The following CPA6 variants were observed in gnomAD, a reference collection of about 807,000 sequenced individuals.
CPA6 encodes the protein carboxypeptidase A6, also known as carboxypeptidase B.
Under a neutral mutation model 63.3 loss-of-function variants are expected in CPA6, and 58 were observed. The observed-to-expected ratio is 0.92, with a 90% CI of 0.74 to 1.14. The LOEUF is 1.14. CPA6 is among the 50% of genes most tolerant of loss of function. The pLI is 0.00. For synonymous variants in CPA6, 185 were observed against 179.0 expected, an observed-to-expected ratio of 1.03 and a Z score of -0.27; for missense variants, 565 against 526.6, an observed-to-expected ratio of 1.07 and a Z score of -0.71.
At chr8:67,721,760 C>T (rs1208895851) in intron 1 of CPA6, among the ~76,000 whole-genome samples, 3 of 152,210 alleles carry the variant, frequency 2.0e-5, no homozygotes, top group Non-Finnish European at 4.4e-5. Context: ...GCCTGCTGTA[C>T]AGGCAGGCTT....
At chr8:67,573,615 G>A (rs559592791) in intron 2 of CPA6, among the ~76,000 whole-genome samples, 12 of 151,960 alleles carry the variant, frequency 7.9e-5, no homozygotes, top group Admixed American at 3.9e-4. Context: ...GAAAGAGGCC[G>A]GGCACGGTGG....
At chr8:67,724,925 A>T (rs1193057011) in intron 1 of CPA6, among the ~76,000 whole-genome samples, 2 of 152,202 alleles carry the variant, frequency 1.3e-5, no homozygotes, top group Admixed American at 1.3e-4. Flanking sequence ...ATTTTTGGTT[A>T]TCAGTTCCTT....
chr8:67,640,902 A>G (rs750130804), intron 1 of CPA6, among the ~76,000 whole-genome samples: 2 of 151,634 alleles, frequency 1.3e-5, no homozygotes, highest in Non-Finnish European at 2.9e-5. Flanking sequence ...TGCCTTCAGC[A>G]GGGTGCTCAT....
intron 2 of CPA6, among the ~76,000 whole-genome samples, chr8:67,575,191 C>T (rs749187880): frequency 7.9e-5 from 12 of 152,226 alleles, no homozygotes; most frequent in Non-Finnish European, 1.5e-4. Context: ...TGAGATATCA[C>T]CTCATACCTG....
rs180818633 is a variant in CPA6 at position 67,689,651 on chromosome 8, A to G, written c.116+56363T>C. On this transcript the variant is annotated intron_variant, in intron 1 of 10. Coordinates refer to ENST00000297770, the MANE Select transcript of CPA6 (RefSeq NM_020361.5). ...TAGTATTCCATGGTATATATGTACC[A>G]CATTTTCTTTATCCAATCCACTGTT... Among the ~76,000 whole-genome samples, 181 of 152,356 alleles carry G rather than the reference A, an allele frequency of 1.2e-3. 2 individuals are homozygous for G. Among genetic ancestry groups the G allele is most frequent in the South Asian group, 8.3e-3 (40 of 4,830 alleles).
chr8:67,525,269 G>T lies in CPA6; in HGVS notation c.193-7222C>A, dbSNP rs113072454. ...CATAGTCCCAATAATTCCAACAAAA[G>T]ACCCTGGAAATTTAGGCAAACTAAA... On this transcript the variant is annotated intron_variant, in intron 2 of 10. Transcript: ENST00000297770. Among the ~76,000 whole-genome samples, 1,279 of 152,108 alleles carry T rather than the reference G, an allele frequency of 8.4e-3. 19 individuals are homozygous for T. The highest frequency in any genetic ancestry group is 0.03 in the African/African-American group (1,227 of 41,504).
In CPA6 at chr8:67,677,012, A is replaced by C. The variant is rs117111609; in HGVS notation, c.117-52761T>G. On this transcript the variant is annotated intron_variant, in intron 1 of 10. Transcript: ENST00000297770. ...GCCATGTGTGTCTGTGTGTGTATGC[A>C]TGCTAGCAGGACTACTGCCCCGAAC... Among the ~76,000 whole-genome samples, 209 of 152,276 alleles carry C rather than the reference A, an allele frequency of 1.4e-3. 4 individuals are homozygous for C. In the East Asian group the frequency reaches 0.033, roughly 24 times the overall value.
chr8:67,475,742 T>C (rs1289063168), intron 8 of CPA6, among the ~76,000 whole-genome samples: 1 of 151,540 alleles, frequency 6.6e-6, no homozygotes, highest in African/African-American at 2.4e-5. Flanking sequence ...TTTCTTTCTT[T>C]CCTTCTTTCT....
chr8:67,672,765 G>T (rs550601495), intron 1 of CPA6, among the ~76,000 whole-genome samples: 14 of 152,264 alleles, frequency 9.2e-5, no homozygotes, highest in African/African-American at 3.4e-4. Context: ...TTTATTCTAA[G>T]TCCCACAAAA....
chr8:67,588,279 T>C (rs1814001669), intron 2 of CPA6, among the ~76,000 whole-genome samples: 1 of 152,170 alleles, frequency 6.6e-6, no homozygotes, highest in Admixed American at 6.5e-5. Context: ...TGAATGGAAG[T>C]CAGTCGGTTA....
At chr8:67,504,896 G>A (rs1811897185) in intron 6 of CPA6, among the ~76,000 whole-genome samples, 3 of 152,136 alleles carry the variant, frequency 2.0e-5, no homozygotes, top group Non-Finnish European at 4.4e-5. Flanking sequence ...GTGCAGGAGG[G>A]AGGAGGATGG....
intron 8 of CPA6, among the ~76,000 whole-genome samples, chr8:67,440,529 C>T (rs185510480): frequency 3.9e-5 from 6 of 152,058 alleles, no homozygotes; most frequent in Non-Finnish European, 7.4e-5. Flanking sequence ...CAAGATCGTG[C>T]CACTGTACTC....
chr8:67,644,611 C>A (rs1325479870), intron 1 of CPA6, among the ~76,000 whole-genome samples: 2 of 152,220 alleles, frequency 1.3e-5, no homozygotes, highest in Non-Finnish European at 2.9e-5. Flanking sequence ...ACATTCAGTT[C>A]TGTGCACCGG....
chr8:67,524,756 G>A (rs1315166317), intron 2 of CPA6, among the ~76,000 whole-genome samples: 2 of 151,676 alleles, frequency 1.3e-5, no homozygotes, highest in Non-Finnish European at 2.9e-5. Context: ...GTGACAGTAG[G>A]GACTGATATA....
intron 1 of CPA6, among the ~76,000 whole-genome samples, chr8:67,736,058 C>T (rs1298552543): frequency 6.6e-6 from 1 of 152,088 alleles, no homozygotes; most frequent in Non-Finnish European, 1.5e-5. Flanking sequence ...GGTCCCAAGT[C>T]ATCTCCTGTC....
chr8:67,714,265 C>G (rs1202922398), intron 1 of CPA6, among the ~76,000 whole-genome samples: 1 of 152,098 alleles, frequency 6.6e-6, no homozygotes, highest in East Asian at 1.9e-4. Flanking sequence ...GAGGGATACT[C>G]AAAATCAGAG....
chr8:67,435,381 C>T (rs1311154932), intron 8 of CPA6, among the ~76,000 whole-genome samples: 1 of 151,998 alleles, frequency 6.6e-6, no homozygotes, highest in Non-Finnish European at 1.5e-5. Context: ...CTCCCCCCAG[C>T]GCAGGGGCAC....
At chr8:67,741,756 T>A (rs1331184134) in intron 1 of CPA6, among the ~76,000 whole-genome samples, 1 of 152,190 alleles carries the variant, frequency 6.6e-6, no homozygotes, top group Non-Finnish European at 1.5e-5. Context: ...GAAAACAAGC[T>A]CAGGGCTTCC....
intron 8 of CPA6, among the ~76,000 whole-genome samples, chr8:67,478,434 G>T (rs1162514872): frequency 6.6e-6 from 1 of 152,198 alleles, no homozygotes; most frequent in African/African-American, 2.4e-5. Flanking sequence ...TAGCCAGTCA[G>T]TCAGAAGTAC....
Sources: allele counts gnomAD v4.1 joint callset (sites outside exome capture counted in the v4.1 genomes callset), GRCh38; gene constraint gnomAD v4.1.1; transcripts MANE v1.5; gene names NCBI Gene and HGNC (gene_info 2026-07-23, HGNC 2026-07-21).